The following NCAM1 variants were observed in gnomAD, a reference collection of about 807,000 sequenced individuals.
NCAM1 encodes the protein antigen recognized by monoclonal antibody 5.1H11.
In NCAM1, 14 loss-of-function variants were observed where a neutral mutation model predicts 109.8. The observed-to-expected ratio is 0.13, with a 90% confidence interval of 0.08 to 0.20. The LOEUF is 0.20. NCAM1 is among the 10% of genes least tolerant of loss of function. The pLI is 1.00. For synonymous variants in NCAM1, 418 were observed against 442.9 expected (o/e 0.94, Z 0.70); for missense variants, 774 against 1,109.9 (o/e 0.70, Z 4.30).
At chr11:112,965,274 A>C (rs1449576243) in intron 1 of NCAM1, among the ~76,000 whole-genome samples, 2 of 152,182 alleles carry the variant, frequency 1.3e-5, no homozygotes, top group Non-Finnish European at 2.9e-5. Flanking sequence ...AAAACTGAAA[A>C]AAAAATGATG....
intron 1 of NCAM1, among the ~76,000 whole-genome samples, chr11:113,182,698 G>C (rs1470930300): frequency 6.6e-6 from 1 of 152,230 alleles, no homozygotes; most frequent in African/African-American, 2.4e-5. Flanking sequence ...TGTGTTCTGG[G>C]TGGACTGTCT....
chr11:113,168,073 G>A (rs1474111496), intron 1 of NCAM1, among the ~76,000 whole-genome samples: 3 of 152,128 alleles, frequency 2.0e-5, no homozygotes, highest in Admixed American at 1.3e-4. Context: ...ATTGAATTCC[G>A]AATAGCATTT....
intron 1 of NCAM1, among the ~76,000 whole-genome samples, chr11:113,046,843 T>C (rs1555080935): frequency 6.8e-6 from 1 of 146,318 alleles, no homozygotes; most frequent in East Asian, 2.0e-4. Flanking sequence ...AGAAAGGACA[T>C]AGATGGACAG....
chr11:113,037,224 G>A (rs1274939465), intron 1 of NCAM1, among the ~76,000 whole-genome samples: 1 of 152,286 alleles, frequency 6.6e-6, no homozygotes, highest in African/African-American at 2.4e-5. Context: ...TAGAGAGGAC[G>A]TTATTATCAG....
chr11:113,080,724 C>T (rs552921100), intron 1 of NCAM1, among the ~76,000 whole-genome samples: 1 of 152,174 alleles, frequency 6.6e-6, no homozygotes, highest in Non-Finnish European at 1.5e-5. Context: ...AACATTGGAT[C>T]GTACACATGG....
chr11:113,204,316 C>T lies in NCAM1; in HGVS notation c.158C>T (p.Ser53Phe), dbSNP rs782177786. 3 of 1,613,364 alleles carry T rather than the reference C, an allele frequency of 1.9e-6. No individual in the cohort carries two copies. Among genetic ancestry groups the T allele is most frequent in the Non-Finnish European group, 2.5e-6 (3 of 1,179,714 alleles). The stretch of plus-strand genomic sequence containing the variant: ...GGAGATGCCAAAGATAAAGACATCT[C>T]CTGGTTCTCCCCCAATGGAGAAAAG... The part of the protein sequence containing the change: ...VAGDAKDKDI[S>F]WFSPNGEKLT... Residue 53 changes from serine to phenylalanine, a missense_variant, in exon 3 of 20, where the codon TCC becomes TTC. Coordinates refer to ENST00000316851, the MANE Select transcript of NCAM1 (RefSeq NM_181351.5).
rs1939283365 is a variant in NCAM1 at position 113,090,301 on chromosome 11, ACC to A, written c.53-112076_53-112075del. Among the ~76,000 whole-genome samples, 3 of 152,168 alleles carry A rather than the reference ACC, an allele frequency of 2.0e-5. No homozygotes were observed. The South Asian group carries it at 6.2e-4, about 32-fold the overall frequency. ...TGAATTATTACTTAGAGTATTACTG[ACC>A]CATATTAATGGGATCAAGACAAATA... is the stretch of plus-strand genomic sequence containing the variant. On this transcript the variant is annotated intron_variant, in intron 1 of 19. Transcript: ENST00000316851.
chr11:113,156,065 G>T lies in NCAM1; in HGVS notation c.53-46314G>T, dbSNP rs956033316. On this transcript the variant is annotated intron_variant, in intron 1 of 19. Coordinates refer to ENST00000316851, the MANE Select transcript of NCAM1 (RefSeq NM_181351.5). ...CACACAAGCCTGGAATTGGAAAGTG[G>T]CTCTGGGAAAGAGAATAGAGATGGA... Among the ~76,000 whole-genome samples, 4 of 152,324 alleles carry T rather than the reference G, an allele frequency of 2.6e-5. No homozygotes were observed. The East Asian group carries it at 7.7e-4, about 29-fold the overall frequency.
At chr11:113,156,436 G>A (rs4936263) in intron 1 of NCAM1, among the ~76,000 whole-genome samples, 64,407 of 151,872 alleles carry the variant, frequency 0.42, 15,090 homozygotes, top group Middle Eastern at 0.61. Context: ...TTAGTTGTGC[G>A]AATGACACAC....
intron 1 of NCAM1, among the ~76,000 whole-genome samples, chr11:113,195,145 G>T (rs1555110599): frequency 6.6e-6 from 1 of 152,072 alleles, no homozygotes; most frequent in African/African-American, 2.4e-5. Flanking sequence ...TCTTTAAAAT[G>T]GCATCTAGCT....
chr11:113,234,765 A>G (rs576915047), intron 13 of NCAM1, among the ~76,000 whole-genome samples: 23 of 152,214 alleles, frequency 1.5e-4, no homozygotes, highest in South Asian at 1.2e-3. Context: ...TAGCCCAGGT[A>G]TCTGTATCTG....
intron 1 of NCAM1, among the ~76,000 whole-genome samples, chr11:113,180,178 G>A (rs1023140736): frequency 2.0e-5 from 3 of 152,296 alleles, no homozygotes; most frequent in South Asian, 2.1e-4. Context: ...CATCTCATAG[G>A]CATTGAACAG....
At chr11:113,264,843 C>T (rs1167489053) in intron 17 of NCAM1, 1 of 985,442 alleles carries the variant, frequency 1.0e-6, no homozygotes, top group African/African-American at 1.7e-5. Context: ...TAACAGTGCG[C>T]TCCTCAGGAG....
chr11:113,153,433 G>C (rs578066215), intron 1 of NCAM1, among the ~76,000 whole-genome samples: 1 of 150,306 alleles, frequency 6.7e-6, no homozygotes, highest in Non-Finnish European at 1.5e-5. Context: ...AGTGGGGAGG[G>C]GGGGCACAGA....
Position 112,993,666 on chromosome 11 carries a change from G to T in NCAM1, c.52+32002G>T, listed in dbSNP as rs1478915464. ...TTGATGTCAATAACATCTACATTTT[G>T]TTCTTTATCCATAATTAAGTTATCA... On this transcript the variant is annotated intron_variant, in intron 1 of 19. Transcript: ENST00000316851. Among the ~76,000 whole-genome samples, 3 of 151,930 alleles carry T rather than the reference G, an allele frequency of 2.0e-5. No individual in the cohort carries two copies. In the East Asian group the frequency reaches 5.8e-4, roughly 29 times the overall value.
At chr11:112,983,367 A>G (rs1190179736) in intron 1 of NCAM1, among the ~76,000 whole-genome samples, 1 of 151,998 alleles carries the variant, frequency 6.6e-6, no homozygotes, top group East Asian at 1.9e-4. Flanking sequence ...ATAAATCCAT[A>G]AACAGCTACA....
At chr11:113,134,563 T>C (rs2097965133) in intron 1 of NCAM1, among the ~76,000 whole-genome samples, 1 of 152,126 alleles carries the variant, frequency 6.6e-6, no homozygotes, top group Non-Finnish European at 1.5e-5. Flanking sequence ...AGCCAAGCAT[T>C]AGTGGCTCCT....
chr11:113,126,749 G>A (rs1455296817), intron 1 of NCAM1, among the ~76,000 whole-genome samples: 2 of 152,038 alleles, frequency 1.3e-5, no homozygotes, highest in Admixed American at 6.6e-5. Flanking sequence ...AGTCCCCAAC[G>A]CCCACTGCAA....
At chr11:113,013,426 C>CAAAAAAA (rs34001751) in intron 1 of NCAM1, among the ~76,000 whole-genome samples, 2 of 96,030 alleles carry the variant, frequency 2.1e-5, no homozygotes, top group African/African-American at 4.1e-5. Flanking sequence ...GACTCTGTCT[C>CAAAAAAA]AAAAAAAAAA....
Sources: allele counts gnomAD v4.1 joint callset (sites outside exome capture counted in the v4.1 genomes callset), GRCh38; gene constraint gnomAD v4.1.1; transcripts MANE v1.5; gene names NCBI Gene and HGNC (gene_info 2026-07-23, HGNC 2026-07-21).